PRKCB: variants seen among roughly 807,000 people sequenced by gnomAD.
PRKCB encodes protein kinase C beta type.
A neutral mutation model predicts 81.5 loss-of-function variants in PRKCB; 13 were observed. The observed-to-expected ratio is 0.16, with a 90% CI of 0.10 to 0.25. PRKCB has a LOEUF of 0.25. PRKCB is among the 10% of genes least tolerant of loss of function. PRKCB has a pLI of 1.00. For missense variants in PRKCB, 509 were observed against 875.7 expected, an observed-to-expected ratio of 0.58 and a Z score of 5.29; for synonymous variants, 335 against 321.4, an observed-to-expected ratio of 1.04 and a Z score of -0.45.
At chr16:23,887,177 T>C (rs1022067790) in intron 2 of PRKCB, among the ~76,000 whole-genome samples, 1 of 152,194 alleles carries the variant, frequency 6.6e-6, no homozygotes, top group Non-Finnish European at 1.5e-5. Flanking sequence ...AGGATAGAAA[T>C]AAAATGCCCC....
chr16:24,150,106 G>A lies in PRKCB; in HGVS notation c.1066-4578G>A, dbSNP rs116254277. ...AGCACTTTGGGAGACCTAGATGGGC[G>A]GATCACTGAAGGTCTGGAGTTTGAG... On this transcript the variant is annotated intron_variant, in intron 9 of 16. Transcript: ENST00000643927. Among the ~76,000 whole-genome samples the A allele has an allele frequency of 9.5e-3, 1,450 of 152,242 alleles. 11 individuals are homozygous for A. The highest frequency in any genetic ancestry group is 0.014 in the Middle Eastern group (4 of 294).
chr16:24,206,902 G>A (rs753057595), intron 16 of PRKCB, among the ~76,000 whole-genome samples: 11 of 152,188 alleles, frequency 7.2e-5, no homozygotes, highest in Non-Finnish European at 1.2e-4. Flanking sequence ...CAAAATACAC[G>A]TCAAAGCAGC....
intron 5 of PRKCB, among the ~76,000 whole-genome samples, chr16:24,071,672 G>T (rs1039391575): frequency 4.6e-5 from 7 of 152,068 alleles, no homozygotes; most frequent in African/African-American, 1.7e-4. Flanking sequence ...TCTCTGGGCA[G>T]TAGCTGTGGG....
At chr16:24,126,276 G>A (rs906744785) in intron 9 of PRKCB, among the ~76,000 whole-genome samples, 12 of 152,184 alleles carry the variant, frequency 7.9e-5, no homozygotes, top group African/African-American at 2.9e-4. Flanking sequence ...AAAATGTTAG[G>A]AAGAATTGAG....
intron 3 of PRKCB, among the ~76,000 whole-genome samples, chr16:24,002,953 A>G (rs1284584753): frequency 1.3e-5 from 2 of 152,058 alleles, no homozygotes; most frequent in Non-Finnish European, 2.9e-5. Flanking sequence ...GGAGGGGCTA[A>G]TAGGAGACTT....
In PRKCB at chr16:23,932,746, C is replaced by G. The variant is rs75450728; in HGVS notation, c.206-55762C>G. On this transcript the variant is annotated intron_variant, in intron 2 of 16. Transcript: ENST00000643927. The stretch of plus-strand genomic sequence containing the variant: ...GCAGTTGCCTTGGTTCCTGACAATC[C>G]TGCATTGAAGTCAAACTGCTGTTCC... Among the ~76,000 whole-genome samples, 1,036 of 152,334 alleles carry G rather than the reference C, an allele frequency of 6.8e-3. 20 individuals are homozygous for G. The highest frequency in any genetic ancestry group is 0.024 in the African/African-American group (982 of 41,584).
Position 24,123,912 on chromosome 16 carries a change from C to G in PRKCB, c.996C>G (p.Gly332=). ...TNTVSKFDNN[G]NRDRMKLTDF... is the part of the protein sequence containing the mutation. ...CTGTCTCCAAATTTGACAACAATGG[C>G]AACAGAGACCGGATGAAACTGACCG... is the stretch of plus-strand genomic sequence containing the variant. Residue 332 remains glycine, a synonymous_variant, in exon 9 of 17, where the codon GGC becomes GGG. Transcript: ENST00000643927. The G allele has an allele frequency of 6.2e-7, 1 of 1,614,150 alleles. No individual in the cohort carries two copies. The highest frequency in any genetic ancestry group is 1.3e-5 in the African/African-American group (1 of 75,052).
chr16:24,026,878 G>A (rs1965487658), intron 3 of PRKCB, among the ~76,000 whole-genome samples: 2 of 152,188 alleles, frequency 1.3e-5, no homozygotes, highest in Non-Finnish European at 2.9e-5. Flanking sequence ...ACTGGGGTCT[G>A]GCCAATCCGT....
chr16:24,052,585 G>A (rs147232660), intron 5 of PRKCB, among the ~76,000 whole-genome samples: 109 of 152,294 alleles, frequency 7.2e-4, no homozygotes, highest in Non-Finnish European at 1.4e-3. Flanking sequence ...CAGATTCCCA[G>A]AACTGAGGAT....
At chr16:23,888,028 T>TTC (rs1453420701) in intron 2 of PRKCB, among the ~76,000 whole-genome samples, 1 of 152,152 alleles carries the variant, frequency 6.6e-6, no homozygotes, top group African/African-American at 2.4e-5. Flanking sequence ...CATCTGACAG[T>TTC]TAATTGCAAG....
chr16:24,174,696 GAACT>G, intron 12 of PRKCB, 116 bp downstream of exon 12: 1 of 980,744 alleles, frequency 1.0e-6, no homozygotes, highest in Non-Finnish European at 1.6e-6. Flanking sequence ...GAATCCTCCA[GAACT>G]AACTTGGGCA....
chr16:24,085,002 G>C (rs1966294498), intron 5 of PRKCB, among the ~76,000 whole-genome samples: 1 of 152,142 alleles, frequency 6.6e-6, no homozygotes, highest in East Asian at 1.9e-4. Context: ...TGAAGAGACA[G>C]GAAGGTAAGG....
intron 3 of PRKCB, among the ~76,000 whole-genome samples, chr16:24,004,306 C>G (rs1174088457): frequency 6.6e-6 from 1 of 151,784 alleles, no homozygotes; most frequent in African/African-American, 2.4e-5. Context: ...ATAAAAGGGA[C>G]AAAAGTGTAT....
chr16:24,160,294 A>C (rs906274059), intron 10 of PRKCB, among the ~76,000 whole-genome samples: 2 of 151,938 alleles, frequency 1.3e-5, no homozygotes, highest in African/African-American at 2.4e-5. Flanking sequence ...TGATTATTAA[A>C]ATTTAGGGAG....
chr16:24,177,586 C>T (rs961319197), intron 12 of PRKCB, among the ~76,000 whole-genome samples: 1 of 152,202 alleles, frequency 6.6e-6, no homozygotes, highest in Non-Finnish European at 1.5e-5. Context: ...GACCTTGAAT[C>T]AGAAACTAGC....
intron 3 of PRKCB, among the ~76,000 whole-genome samples, chr16:24,029,455 G>A (rs1234375492): frequency 3.9e-5 from 6 of 152,144 alleles, no homozygotes; most frequent in Admixed American, 1.3e-4. Flanking sequence ...AAGGTGCCTT[G>A]CTTTCCCTTC....
At chr16:23,976,182 T>C (rs921752153) in intron 2 of PRKCB, among the ~76,000 whole-genome samples, 7 of 151,954 alleles carry the variant, frequency 4.6e-5, no homozygotes, top group African/African-American at 1.7e-4. Flanking sequence ...TGTGCACCTG[T>C]AGTAGCTACT....
intron 2 of PRKCB, among the ~76,000 whole-genome samples, chr16:23,911,150 T>TTTTG (rs1963647757): frequency 7.3e-6 from 1 of 137,032 alleles, no homozygotes; most frequent in Admixed American, 7.6e-5. Context: ...TTTTTTTTTT[T>TTTTG]TTTGAGACAA....
chr16:23,940,918 G>T (rs1450946874), intron 2 of PRKCB, among the ~76,000 whole-genome samples: 3 of 152,118 alleles, frequency 2.0e-5, no homozygotes, highest in African/African-American at 7.2e-5. Context: ...GTATGGATTT[G>T]GTTAAATAAT....
Sources: gnomAD v4.1 joint callset for allele counts (sites outside exome capture counted in the v4.1 genomes callset) on GRCh38, gnomAD v4.1.1 for gene constraint, MANE v1.5 for transcripts, NCBI Gene and HGNC (gene_info 2026-07-23, HGNC 2026-07-21) for gene names.